The following FARS2 variants were observed in gnomAD, a reference collection of about 807,000 sequenced individuals.
FARS2 encodes phenylalanine--tRNA ligase, mitochondrial.
FARS2 carries 40 observed loss-of-function variants against 46.4 expected under a neutral mutation model. The ratio of observed to expected loss-of-function variants is 0.86; its 90% confidence interval spans 0.67 to 1.12. The LOEUF (loss-of-function observed/expected upper bound fraction) is 1.12. Ranked by LOEUF, FARS2 falls within the 50% of genes most tolerant of loss-of-function variation. FARS2 has a pLI of 0.00. For missense variants in FARS2, 513 were observed against 567.9 expected (o/e 0.90, Z 0.98); for synonymous variants, 234 against 214.9 (o/e 1.09, Z -0.78).
intron 3 of FARS2, among the ~76,000 whole-genome samples, chr6:5,408,507 A>G (rs937841379): frequency 6.6e-6 from 1 of 152,184 alleles, no homozygotes; most frequent in African/African-American, 2.4e-5. Flanking sequence ...GTGTAGAATC[A>G]GAAAACTTAA....
At chr6:5,756,072 G>A (rs545372848) in intron 6 of FARS2, among the ~76,000 whole-genome samples, 3 of 152,276 alleles carry the variant, frequency 2.0e-5, no homozygotes, top group East Asian at 1.9e-4. Context: ...TACCCACACC[G>A]GGCAGGAATC....
chr6:5,553,787 G>A (rs772563538), intron 5 of FARS2, among the ~76,000 whole-genome samples: 43 of 152,232 alleles, frequency 2.8e-4, no homozygotes, highest in Admixed American at 4.6e-4. Context: ...GGTCTGGGGG[G>A]GTGCCTGGGA....
intron 2 of FARS2, among the ~76,000 whole-genome samples, chr6:5,399,153 TATTATTATTATTATTATTATTATC>T (rs1206118106): frequency 7.5e-6 from 1 of 133,316 alleles, no homozygotes; most frequent in Non-Finnish European, 1.6e-5. Context: ...TTATTATTAT[TATTATTATTATTATTATTATTATC>T]ATCATCATCA....
chr6:5,252,634 G>A, the FARS2 span, among the ~76,000 whole-genome samples: 1 of 152,104 alleles, frequency 6.6e-6, no homozygotes, highest in African/African-American at 2.4e-5. Flanking sequence ...TGCTAGAATA[G>A]CTGTATCCTA....
chr6:5,545,653 C>T (rs1032511952), intron 5 of FARS2, among the ~76,000 whole-genome samples: 2 of 152,054 alleles, frequency 1.3e-5, no homozygotes, highest in Admixed American at 1.3e-4. Flanking sequence ...TGTTCCCCTC[C>T]CTGTGTCCAT....
At chr6:5,651,484 C>T (rs1054871121) in intron 6 of FARS2, among the ~76,000 whole-genome samples, 14 of 152,124 alleles carry the variant, frequency 9.2e-5, no homozygotes, top group African/African-American at 3.1e-4. Flanking sequence ...TCCACCAAAA[C>T]GAGAAGTAAG....
chr6:5,301,802 TACAC>T (rs143654686), intron 1 of FARS2, among the ~76,000 whole-genome samples: 4,276 of 132,338 alleles, frequency 0.032, 123 homozygotes, highest in East Asian at 0.12. Flanking sequence ...CACACACACA[TACAC>T]ACACACACAC....
intron 4 of FARS2, among the ~76,000 whole-genome samples, chr6:5,454,307 G>C (rs564821216): frequency 6.6e-6 from 1 of 150,382 alleles, no homozygotes; most frequent in East Asian, 2.0e-4. Flanking sequence ...TGTTTGTACT[G>C]TTCTGAAAAT....
At position 5,341,225 on chromosome 6, in the gene FARS2, ATATATATATATTTTTTTT is replaced by A. The variant is rs1364998902; in HGVS notation, c.-21-27323_-21-27306del. ...TATATATATATATATATATATATAT[ATATATATATATTTTTTTT>A]TTTTTTTTTTTTTTCCCTGTGAGAG... On this transcript the variant is annotated intron_variant, in intron 1 of 6. Coordinates refer to ENST00000274680, the MANE Select transcript of FARS2 (RefSeq NM_006567.5). Among the ~76,000 whole-genome samples, 35 of 4,872 alleles carry A rather than the reference ATATATATATATTTTTTTT, an allele frequency of 7.2e-3. 1 individual carries two copies. Among genetic ancestry groups the A allele is most frequent in the African/African-American group, 0.031 (33 of 1,068 alleles). The allele number at this position is 4,872 out of a possible 152,430, so 3.2% of individuals were successfully genotyped here. A position where few individuals can be genotyped will look rare whatever the true frequency, so the allele number is the denominator to read the frequency against.
intron 4 of FARS2, among the ~76,000 whole-genome samples, chr6:5,453,209 G>T (rs1413399727): frequency 2.6e-5 from 4 of 152,150 alleles, no homozygotes; most frequent in Non-Finnish European, 5.9e-5. Context: ...TGTAGATACA[G>T]ATATATCTGG....
chr6:5,532,818 A>G (rs559028632), intron 4 of FARS2, among the ~76,000 whole-genome samples: 10 of 152,118 alleles, frequency 6.6e-5, no homozygotes, highest in African/African-American at 1.9e-4. Flanking sequence ...AAGAATGTTA[A>G]TTGCTAGGTT....
chr6:5,326,053 C>T (rs1000973190), intron 1 of FARS2, among the ~76,000 whole-genome samples: 1 of 152,134 alleles, frequency 6.6e-6, no homozygotes, highest in African/African-American at 2.4e-5. Context: ...CAATGTTTGG[C>T]AATGTGTGAT....
intron 2 of FARS2, among the ~76,000 whole-genome samples, chr6:5,389,918 G>T (rs541057748): frequency 5.9e-5 from 9 of 152,246 alleles, no homozygotes; most frequent in Admixed American, 3.9e-4. Flanking sequence ...AAGCTGGAAT[G>T]CAGTAGCATG....
chr6:5,489,703 C>A (rs1766988089), intron 4 of FARS2, among the ~76,000 whole-genome samples: 1 of 152,104 alleles, frequency 6.6e-6, no homozygotes, highest in South Asian at 2.1e-4. Flanking sequence ...TTCAGATAGG[C>A]CTACCAGTCA....
In FARS2 at chr6:5,344,854, T is replaced by C. The variant is rs1243683375; in HGVS notation, c.-21-23696T>C. ...CCCAGACTGGAGTGCAGTGGTGTGGTTTCAAGCTCACTGCAGCCTCCACCT... is the reference window on the plus strand; with the variant it reads ...CCCAGACTGGAGTGCAGTGGTGTGGCTTCAAGCTCACTGCAGCCTCCACCT... On this transcript the variant is annotated intron_variant, in intron 1 of 6. Transcript: ENST00000274680. Among the ~76,000 whole-genome samples, 27 of 151,324 alleles carry C rather than the reference T, an allele frequency of 1.8e-4. 1 individual carries two copies. Among genetic ancestry groups the C allele is most frequent in the Admixed American group, 1.8e-3 (27 of 15,156 alleles).
chr6:5,640,378 T>C (rs1040882308), intron 6 of FARS2, among the ~76,000 whole-genome samples: 6 of 152,176 alleles, frequency 3.9e-5, no homozygotes, highest in African/African-American at 1.4e-4. Context: ...TGAATTGGCT[T>C]CATATCACGG....
chr6:5,736,599 G>A (rs1760969833), intron 6 of FARS2, among the ~76,000 whole-genome samples: 1 of 152,012 alleles, frequency 6.6e-6, no homozygotes, highest in African/African-American at 2.4e-5. Flanking sequence ...TTGTATTCAA[G>A]TGCAAAAGCT....
At chr6:5,593,091 C>T (rs375614882) in intron 5 of FARS2, among the ~76,000 whole-genome samples, 14 of 152,156 alleles carry the variant, frequency 9.2e-5, no homozygotes, top group South Asian at 6.2e-4. Context: ...AAGGGTGAGC[C>T]GACCAAAGCC....
At chr6:5,357,556 A>G (rs1453684850) in intron 1 of FARS2, among the ~76,000 whole-genome samples, 1 of 152,224 alleles carries the variant, frequency 6.6e-6, no homozygotes, top group Admixed American at 6.5e-5. Context: ...AGCATATAGG[A>G]TAAGTTATGG....
Sources: allele counts gnomAD v4.1 joint callset (sites outside exome capture counted in the v4.1 genomes callset), GRCh38; gene constraint gnomAD v4.1.1; transcripts MANE v1.5; gene names NCBI Gene and HGNC (gene_info 2026-07-23, HGNC 2026-07-21).